The following RSF1 variants were observed in gnomAD, a reference collection of about 807,000 sequenced individuals.
RSF1 encodes HBV pX-associated protein 8.
Under a neutral mutation model 145.2 loss-of-function variants are expected in RSF1, and 13 were observed. That is an observed-to-expected ratio of 0.09 (90% confidence interval 0.06 to 0.14). The LOEUF (loss-of-function observed/expected upper bound fraction) is 0.14. RSF1 is among the 10% of genes least tolerant of loss of function. The pLI, the probability that RSF1 is intolerant of heterozygous loss-of-function variation, is 1.00. For missense variants in RSF1, 1,517 were observed against 1,718.2 expected, an observed-to-expected ratio of 0.88 and a Z score of 2.07; for synonymous variants, 577 against 592.6, an observed-to-expected ratio of 0.97 and a Z score of 0.38.
intron 7 of RSF1, among the ~76,000 whole-genome samples, chr11:77,695,966 C>T (rs995900665): frequency 6.6e-6 from 1 of 152,114 alleles, no homozygotes; most frequent in African/African-American, 2.4e-5. Flanking sequence ...GAAGTTTCTG[C>T]AATCCTAACC....
At chr11:77,733,844 G>T (rs1447520141) in intron 4 of RSF1, among the ~76,000 whole-genome samples, 2 of 152,176 alleles carry the variant, frequency 1.3e-5, no homozygotes, top group African/African-American at 4.8e-5. Context: ...TTATAGGTGT[G>T]AGCCATCATG....
chr11:77,754,224 T>C (rs559159037), intron 2 of RSF1, among the ~76,000 whole-genome samples: 1 of 152,138 alleles, frequency 6.6e-6, no homozygotes, highest in Non-Finnish European at 1.5e-5. Context: ...AAAAATAATA[T>C]GCTGAAAATA....
rs1025740437 is a variant in RSF1 at position 77,663,923 on chromosome 11, G to T, written c.*2994C>A. 11 of 152,014 alleles carry T rather than the reference G, an allele frequency of 7.2e-5. No homozygotes were observed. The highest frequency in any genetic ancestry group is 2.7e-4 in the African/African-American group (11 of 41,378). The allele number at this position is 152,014 out of a possible 1,614,324, so 9.4% of individuals were successfully genotyped here. A position where few individuals can be genotyped will look rare whatever the true frequency, so the allele number is the denominator to read the frequency against. On this transcript the variant is annotated 3_prime_UTR_variant, in exon 16 of 16. Coordinates refer to ENST00000308488, the MANE Select transcript of RSF1 (RefSeq NM_016578.4). Reference sequence around the variant, plus strand: ...AGTCCAACTTGTATTTCAACAAGGGGGGTTTAAATTATTAAAGGGCTCTAT... The same window carrying T: ...AGTCCAACTTGTATTTCAACAAGGGTGGTTTAAATTATTAAAGGGCTCTAT...
chr11:77,693,441 C>A, intron 8 of RSF1, 66 bp downstream of exon 8: 1 of 944,232 alleles, frequency 1.1e-6, no homozygotes, highest in Non-Finnish European at 1.7e-6. Flanking sequence ...CATTCAGTAG[C>A]TATTAAACAG....
chr11:77,761,828 A>ATTTTTTTTTT (rs11381383), intron 2 of RSF1, among the ~76,000 whole-genome samples: 3 of 119,544 alleles, frequency 2.5e-5, no homozygotes, highest in African/African-American at 3.3e-5. Flanking sequence ...CCATTCGGTG[A>ATTTTTTTTTT]TTTTTTTTTT....
At chr11:77,733,024 A>T (rs1324852548) in intron 4 of RSF1, among the ~76,000 whole-genome samples, 1 of 152,234 alleles carries the variant, frequency 6.6e-6, no homozygotes. Flanking sequence ...AAGAATAAAG[A>T]TGCTATGAAC....
intron 1 of RSF1, among the ~76,000 whole-genome samples, chr11:77,787,517 GAGAT>G (rs1948469018): frequency 6.6e-6 from 1 of 152,052 alleles, no homozygotes; most frequent in Non-Finnish European, 1.5e-5. Flanking sequence ...GTAGAAGAGA[GAGAT>G]AGCTGACACA....
chr11:77,747,944 G>A (rs1206127951), intron 2 of RSF1, among the ~76,000 whole-genome samples: 2 of 152,130 alleles, frequency 1.3e-5, no homozygotes, highest in Non-Finnish European at 2.9e-5. Context: ...GCAATTTCAC[G>A]TATTTCTTGC....
the RSF1 span, chr11:77,829,826 G>A: frequency 6.6e-6 from 1 of 152,194 alleles, no homozygotes; most frequent in Non-Finnish European, 1.5e-5. Flanking sequence ...CAGTTCAAAT[G>A]TGGGGCTTAA....
the RSF1 span, chr11:77,851,587 G>A: frequency 6.6e-6 from 1 of 152,084 alleles, no homozygotes. Flanking sequence ...ATTGGGTCAT[G>A]TGGGCAGTTC....
intron 11 of RSF1, among the ~76,000 whole-genome samples, chr11:77,683,311 T>A (rs1013482906): frequency 5.9e-5 from 9 of 151,488 alleles, no homozygotes; most frequent in African/African-American, 2.2e-4. Flanking sequence ...AACAAAACAA[T>A]CCTTAACCCA....
the RSF1 span, chr11:77,841,224 G>A: frequency 4.3e-6 from 3 of 702,258 alleles, no homozygotes; most frequent in Non-Finnish European, 7.8e-6. Flanking sequence ...AGCTCTTAAA[G>A]GTCCCACCTC....
chr11:77,831,214 G>A, the RSF1 span, among the ~76,000 whole-genome samples: 18 of 152,108 alleles, frequency 1.2e-4, no homozygotes, highest in African/African-American at 3.9e-4. Context: ...GTGTTGACAA[G>A]GATATGGAGA....
At chr11:77,861,004 A>G in the RSF1 span, among the ~76,000 whole-genome samples, 2 of 152,014 alleles carry the variant, frequency 1.3e-5, no homozygotes, top group East Asian at 3.9e-4. Flanking sequence ...GTTCTTAACA[A>G]TTTTCTTGAG....
chr11:77,722,878 T>C (rs1293970738), intron 5 of RSF1, among the ~76,000 whole-genome samples: 2 of 152,218 alleles, frequency 1.3e-5, no homozygotes, highest in Non-Finnish European at 1.5e-5. Context: ...AAGTTTGTTC[T>C]GTTTTTCTTT....
chr11:77,717,231 T>TA (rs1960837371), intron 5 of RSF1, among the ~76,000 whole-genome samples: 1 of 140,010 alleles, frequency 7.1e-6, no homozygotes, highest in Admixed American at 7.0e-5. Context: ...ATAATATAAA[T>TA]ACAGGATAAG....
the RSF1 span, among the ~76,000 whole-genome samples, chr11:77,871,629 C>T: frequency 6.6e-6 from 1 of 152,108 alleles, no homozygotes; most frequent in South Asian, 2.1e-4. Context: ...TACTATTATA[C>T]CTATTTTACA....
At chr11:77,695,036 T>TG (rs1960247970) in intron 7 of RSF1, among the ~76,000 whole-genome samples, 1 of 152,210 alleles carries the variant, frequency 6.6e-6, no homozygotes, top group African/African-American at 2.4e-5. Flanking sequence ...TTATTAACTT[T>TG]GGTCACTTGG....
chr11:77,750,384 A>G (rs1277621004), intron 2 of RSF1, among the ~76,000 whole-genome samples: 1 of 152,230 alleles, frequency 6.6e-6, no homozygotes, highest in Non-Finnish European at 1.5e-5. Flanking sequence ...ATAAATGAAC[A>G]GGCATGGCTG....
Sources: allele counts gnomAD v4.1 joint callset (sites outside exome capture counted in the v4.1 genomes callset), GRCh38; gene constraint gnomAD v4.1.1; transcripts MANE v1.5; gene names NCBI Gene and HGNC (gene_info 2026-07-23, HGNC 2026-07-21).